Variants in SCUBE3 observed in about 807,000 individuals in gnomAD.
SCUBE3 encodes signal peptide, CUB and EGF-like domain-containing protein 3.
SCUBE3 carries 33 observed loss-of-function variants against 116.8 expected under a neutral mutation model. The observed-to-expected ratio is 0.28, with a 90% confidence interval of 0.21 to 0.38. SCUBE3 has a LOEUF of 0.38. Among genes scored for constraint, SCUBE3 ranks in the 10% least tolerant of loss-of-function variants. SCUBE3 has a pLI of 1.00. For synonymous variants in SCUBE3, 418 were observed against 496.9 expected (o/e 0.84, Z 2.11); for missense variants, 1,007 against 1,324.8 (o/e 0.76, Z 3.72).
Position 35,231,816 on chromosome 6 carries a change from C to T in SCUBE3, c.426C>T (p.Phe142=). The T allele has an allele frequency of 1.2e-6, 2 of 1,613,682 alleles. No individual in the cohort carries two copies. Among genetic ancestry groups the T allele is most frequent in the Non-Finnish European group, 1.7e-6 (2 of 1,179,678 alleles). ...GSYECHCREG[F]FLSDNQHTCI... is the part of the protein sequence containing the mutation. ...ATGAGTGCCACTGCCGGGAAGGCTTCTTCCTCAGCGACAACCAGCATACCT... is the reference window on the plus strand; with the variant it reads ...ATGAGTGCCACTGCCGGGAAGGCTTTTTCCTCAGCGACAACCAGCATACCT... The change falls in exon 4 of 22, where the codon TTC becomes TTT. Residue 142 remains phenylalanine, a synonymous_variant. Transcript: ENST00000274938. The surrounding 1 kb of genome is among the most constrained non-coding windows in gnomAD (Gnocchi z 4.2).
Position 35,243,467 on chromosome 6 carries a change from T to G in SCUBE3, c.1910-127T>G, listed in dbSNP as rs1197531372. On this transcript the variant is annotated intron_variant, in intron 15 of 21. Coordinates refer to ENST00000274938, the MANE Select transcript of SCUBE3 (RefSeq NM_152753.4). This position sits in a 1 kb window ranked among gnomAD's most constrained non-coding sequence, Gnocchi z 6.6. ...ACCCTCCTATCCCCCCAAGTAGGAT[T>G]GTGTTTGTTCCCTGACAGAGATTCT... 8.2e-6 allele frequency: 8 copies of G among 977,142 alleles called. No homozygotes were observed. The highest frequency in any genetic ancestry group is 1.2e-5 in the Non-Finnish European group (8 of 659,906). The allele number at this position is 977,142 out of a possible 1,614,324, so 60.5% of individuals were successfully genotyped here.
chr6:35,233,170 CCT>C lies in SCUBE3; in HGVS notation c.596-10_596-9del. ...GAGGAGCAAGCTGACAGGGCCCTGT[CCT>C]CTCTGTGCACAGTGACATGCAACTA... is the stretch of plus-strand genomic sequence containing the variant. On this transcript the variant is annotated splice_polypyrimidine_tract_variant and intron_variant, in intron 5 of 21. Coordinates refer to ENST00000274938, the MANE Select transcript of SCUBE3 (RefSeq NM_152753.4). This position sits in a 1 kb window ranked among gnomAD's most constrained non-coding sequence, Gnocchi z 5.7. 1 of 1,589,484 alleles carries C rather than the reference CCT, an allele frequency of 6.3e-7. No individual in the cohort carries two copies. Among genetic ancestry groups the C allele is most frequent in the Admixed American group, 1.7e-5 (1 of 59,886 alleles).
Position 35,250,117 on chromosome 6 carries a change from TCCAGGGTAATTGCGCA to T in SCUBE3, c.*1413_*1428del, listed in dbSNP as rs957725491. On this transcript the variant is annotated 3_prime_UTR_variant, in exon 22 of 22. Transcript: ENST00000274938. ...CACCTAGAGCCCTTGGCTGTGGTAA[TCCAGGGTAATTGCGCA>T]GAGGCATCTGATGTGTAGGAAAGTA... is the stretch of plus-strand genomic sequence containing the variant. 5 of 152,432 alleles carry T rather than the reference TCCAGGGTAATTGCGCA, an allele frequency of 3.3e-5. No homozygotes were observed. Among genetic ancestry groups the T allele is most frequent in the African/African-American group, 1.2e-4 (5 of 41,462 alleles). The allele number at this position is 152,432 out of a possible 1,614,324, so 9.4% of individuals were successfully genotyped here. A position where few individuals can be genotyped will look rare whatever the true frequency, so the allele number is the denominator to read the frequency against.
chr6:35,226,480 C>CTTTTTTTTTTTTTTTTTTTTTTTTT lies in SCUBE3; in HGVS notation c.86-1078_86-1077insTTTTTTTTTTTTTTTTTTTTTTTTT, dbSNP rs764779695. On this transcript the variant is annotated intron_variant, in intron 1 of 21. Transcript: ENST00000274938. ...CAGAAGTTGGACTCTTTTCTATGTCCTTTTTTTTTTTTTTTTTTTTTTGAG... is the reference window on the plus strand; with the variant it reads ...CAGAAGTTGGACTCTTTTCTATGTCCTTTTTTTTTTTTTTTTTTTTTTTTTTTTTTTTTTTTTTTTTTTTTTTGAG... Among the ~76,000 whole-genome samples the CTTTTTTTTTTTTTTTTTTTTTTTTT allele has an allele frequency of 3.4e-4, 29 of 85,234 alleles. 4 individuals are homozygous for CTTTTTTTTTTTTTTTTTTTTTTTTT. The East Asian group carries it at 4.0e-3, about 12-fold the overall frequency. 55.9% of individuals were successfully genotyped at this position (85,234 alleles called of 152,430 possible). A position where few individuals can be genotyped will look rare whatever the true frequency, so the allele number is the denominator to read the frequency against.
In SCUBE3 at chr6:35,233,399, G is replaced by T; in HGVS notation, c.712+98G>T. The stretch of plus-strand genomic sequence containing the variant: ...GTGGAGGAGTGCATGGGGCCCAGGT[G>T]CTGGGCACAGAGGGACTGGTGAGGG... On this transcript the variant is annotated intron_variant, in intron 6 of 21. Transcript: ENST00000274938. This position sits in a 1 kb window ranked among gnomAD's most constrained non-coding sequence, Gnocchi z 5.7. 1 of 765,290 alleles carries T rather than the reference G, an allele frequency of 1.3e-6. No homozygotes were observed. The allele number at this position is 765,290 out of a possible 1,614,324, so 47.4% of individuals were successfully genotyped here.
At chr6:35,223,571 G>A (rs192187750) in intron 1 of SCUBE3, 1 of 152,342 alleles carries the variant, frequency 6.6e-6, no homozygotes, top group Admixed American at 6.5e-5. Context: ...TGGTCTAGGG[G>A]ACATCTGTAC....
chr6:35,238,572 C>T (rs1179638389), intron 7 of SCUBE3, among the ~76,000 whole-genome samples: 1 of 152,192 alleles, frequency 6.6e-6, no homozygotes, highest in Non-Finnish European at 1.5e-5. Flanking sequence ...CTCTGTGCCT[C>T]AGTTTTCCAT....
rs776601933 is a variant in SCUBE3 at position 35,243,241 on chromosome 6, G to A, written c.1909+5G>A. ...ACCGTGCTGGGACCAAGTGTGGTAA[G>A]GGAGCTTACTGGGGAGCAGGGATGT... is the stretch of plus-strand genomic sequence containing the variant. On this transcript the variant is annotated splice_donor_5th_base_variant and intron_variant, in intron 15 of 21. Coordinates refer to ENST00000274938, the MANE Select transcript of SCUBE3 (RefSeq NM_152753.4). The surrounding 1 kb of genome is among the most constrained non-coding windows in gnomAD (Gnocchi z 6.6). The A allele has an allele frequency of 1.2e-6, 2 of 1,612,184 alleles. No individual in the cohort carries two copies. Among genetic ancestry groups the A allele is most frequent in the Non-Finnish European group, 1.7e-6 (2 of 1,178,996 alleles).
rs561482019 is a variant in SCUBE3 at position 35,233,953 on chromosome 6, G to A, written c.712+652G>A. On this transcript the variant is annotated intron_variant, in intron 6 of 21. Transcript: ENST00000274938. The surrounding 1 kb of genome is among the most constrained non-coding windows in gnomAD (Gnocchi z 5.7). ...CCCTCTCAGCTCCACCAGCAACCCT[G>A]TTTCTTCCTCACCAACTCCAGCCTT... 2.0e-5 allele frequency among the ~76,000 whole-genome samples: 3 copies of A among 152,110 alleles called. No individual in the cohort carries two copies. The East Asian group carries it at 5.8e-4, about 29-fold the overall frequency.
chr6:35,226,348 C>T (rs977874096), intron 1 of SCUBE3, among the ~76,000 whole-genome samples: 6 of 152,154 alleles, frequency 3.9e-5, no homozygotes, highest in African/African-American at 1.4e-4. Context: ...TGAGCCTCCA[C>T]AGCTATCATT....
At position 35,244,044 on chromosome 6, in the gene SCUBE3, C is replaced by A; in HGVS notation, c.2153C>A (p.Ala718Glu). The change falls in exon 17 of 22, where the codon GCA becomes GAA. Residue 718 changes from alanine (A) to glutamate (E), a missense_variant. By Grantham distance (107) the Ala-to-Glu change is moderately radical. Coordinates refer to ENST00000274938, the MANE Select transcript of SCUBE3 (RefSeq NM_152753.4). The surrounding 1 kb of genome is among the most constrained non-coding windows in gnomAD (Gnocchi z 4.3). ...CCACGTGGCACCTACCAACCTGAAGCAGGACGGACCCTATGCTTCCCTTGT... is the reference window on the plus strand; with the variant it reads ...CCACGTGGCACCTACCAACCTGAAGAAGGACGGACCCTATGCTTCCCTTGT... Reference protein sequence around the residue: ...PCPRGTYQPEAGRTLCFPCGG... With the variant: ...PCPRGTYQPEEGRTLCFPCGG... 6.2e-7 allele frequency: 1 copy of A among 1,614,096 alleles called. No individual in the cohort carries two copies. The highest frequency in any genetic ancestry group is 8.5e-7 in the Non-Finnish European group (1 of 1,179,956).
In SCUBE3 at chr6:35,239,245, A is replaced by G. The variant is rs1286682996; in HGVS notation, c.830-507A>G. 1.4e-5 allele frequency among the ~76,000 whole-genome samples: 2 copies of G among 145,728 alleles called. No homozygotes were observed. Among genetic ancestry groups the G allele is most frequent in the East Asian group, 2.0e-4 (1 of 4,982 alleles). ...GTCCTCCCTGCCTGGCCTCTTTCCC[A>G]GCTCCTCCTCCTCCCTAAAGGGCTG... On this transcript the variant is annotated intron_variant, in intron 7 of 21. Coordinates refer to ENST00000274938, the MANE Select transcript of SCUBE3 (RefSeq NM_152753.4). The surrounding 1 kb of genome is among the most constrained non-coding windows in gnomAD (Gnocchi z 4.1).
chr6:35,238,725 T>G lies in SCUBE3; in HGVS notation c.829+707T>G, dbSNP rs146766481. 6.1e-3 allele frequency among the ~76,000 whole-genome samples: 925 copies of G among 152,276 alleles called. 6 individuals carry two copies. The highest frequency in any genetic ancestry group is 0.024 in the South Asian group (118 of 4,820). ...ATTATGCATTCTGTTTCCCTTCCTT[T>G]TAATTAGCCAGGTCTGAGGGAGAAT... On this transcript the variant is annotated intron_variant, in intron 7 of 21. Transcript: ENST00000274938.
rs191397520 is a variant in SCUBE3 at position 35,214,978 on chromosome 6, T to C, written c.85+475T>C. On this transcript the variant is annotated intron_variant, in intron 1 of 21. Coordinates refer to ENST00000274938, the MANE Select transcript of SCUBE3 (RefSeq NM_152753.4). The surrounding 1 kb of genome is among the most constrained non-coding windows in gnomAD (Gnocchi z 6.3). The stretch of plus-strand genomic sequence containing the variant: ...TAGACATTTCTAAGTTGATGCCTTA[T>C]CAGTGGAAAAATGTTGAAGAAAAAT... Among the ~76,000 whole-genome samples the C allele has an allele frequency of 5.9e-5, 9 of 152,282 alleles. No individual in the cohort carries two copies. Among genetic ancestry groups the C allele is most frequent in the Non-Finnish European group, 1.3e-4 (9 of 68,022 alleles).
intron 21 of SCUBE3, among the ~76,000 whole-genome samples, chr6:35,247,509 A>G (rs1044271982): frequency 1.3e-5 from 2 of 152,168 alleles, no homozygotes; most frequent in Non-Finnish European, 2.9e-5. Context: ...ACTGCAAAAA[A>G]GTTAAGTGTT....
At chr6:35,226,481 T>TTTC (rs1783331444) in intron 1 of SCUBE3, among the ~76,000 whole-genome samples, 1 of 11,252 alleles carries the variant, frequency 8.9e-5, no homozygotes, top group African/African-American at 2.1e-4. Flanking sequence ...TTCTATGTCC[T>TTTC]TTTTTTTTTT....
rs752488587 is a variant in SCUBE3, at chr6:35,243,682, G to C, written c.1998G>C (p.Gln666His). ...PAGTFQEREG[Q>H]LSCDLCPGSD... ...GCACCTTCCAGGAGAGAGAAGGGCA[G>C]CTCTCCTGCGACCTTTGCCCTGGGA... The change falls in exon 16 of 22, where the codon CAG becomes CAC. Residue 666 changes from glutamine (Q) to histidine (H), a missense_variant. By Grantham distance (24) the Gln-to-His change is conservative (BLOSUM62 0). This residue lies in a region of SCUBE3 where 544 missense variants were observed against 638.9 expected (regional missense o/e 0.85). Transcript: ENST00000274938. This position sits in a 1 kb window ranked among gnomAD's most constrained non-coding sequence, Gnocchi z 6.6. 4 of 1,613,946 alleles carry C rather than the reference G, an allele frequency of 2.5e-6. No homozygotes were observed. The highest frequency in any genetic ancestry group is 3.4e-6 in the Non-Finnish European group (4 of 1,179,790).
chr6:35,235,566 C>G lies in SCUBE3; in HGVS notation c.712+2265C>G. 1 of 839,742 alleles carries G rather than the reference C, an allele frequency of 1.2e-6. No homozygotes were observed. Among genetic ancestry groups the G allele is most frequent in the Non-Finnish European group, 1.7e-6 (1 of 578,684 alleles). 52.0% of individuals were successfully genotyped at this position (839,742 alleles called of 1,614,324 possible). A position where few individuals can be genotyped will look rare whatever the true frequency, so the allele number is the denominator to read the frequency against. The stretch of plus-strand genomic sequence containing the variant: ...AAGGGCTAACCCGCTGGGGCTCCCA[C>G]TAACTGCATGCCCACTGGGCCCAGC... On this transcript the variant is annotated intron_variant, in intron 6 of 21. Transcript: ENST00000274938. This position sits in a 1 kb window ranked among gnomAD's most constrained non-coding sequence, Gnocchi z 4.5.
At chr6:35,216,930 C>T (rs1782916522) in intron 1 of SCUBE3, among the ~76,000 whole-genome samples, 1 of 150,278 alleles carries the variant, frequency 6.7e-6, no homozygotes, top group Non-Finnish European at 1.5e-5. Flanking sequence ...CGACTGTGCA[C>T]ACATGAGAGG....
Sources: gnomAD v4.1 joint callset for allele counts (sites outside exome capture counted in the v4.1 genomes callset) on GRCh38, gnomAD v4.1.1 for gene constraint, gnomAD v4.1.1 regional missense constraint, Gnocchi (gnomAD v3.1) non-coding constraint, MANE v1.5 for transcripts, NCBI Gene and HGNC (gene_info 2026-07-23, HGNC 2026-07-21) for gene names.